PTPN22: variants seen among roughly 807,000 people sequenced by gnomAD.
PTPN22 encodes the protein protein tyrosine phosphatase non-receptor type 22.
Under a neutral mutation model 103.3 loss-of-function variants are expected in PTPN22, and 85 were observed. The ratio of observed to expected loss-of-function variants is 0.82; its 90% CI spans 0.69 to 0.99. The LOEUF (loss-of-function observed/expected upper bound fraction) is 0.99, where lower values mean the gene tolerates loss of function less well. PTPN22 is among the 50% of genes least tolerant of loss of function. PTPN22 has a pLI of 0.00. For synonymous variants in PTPN22, 323 were observed against 310.2 expected, an observed-to-expected ratio of 1.04 and a Z score of -0.43; for missense variants, 865 against 936.9, an observed-to-expected ratio of 0.92 and a Z score of 1.00.
chr1:113,833,025 T>C, intron 16 of PTPN22, 86 bp downstream of exon 16: 1 of 1,316,704 alleles, frequency 7.6e-7, no homozygotes, highest in East Asian at 2.4e-5. Flanking sequence ...ACCAAGTAAC[T>C]TCCTGAAGTG....
At chr1:113,862,258 G>A (rs1665678980) in intron 1 of PTPN22, among the ~76,000 whole-genome samples, 2 of 152,082 alleles carry the variant, frequency 1.3e-5, no homozygotes, top group Non-Finnish European at 2.9e-5. Flanking sequence ...ACTCCAGCCT[G>A]GGTGACAGTG....
intron 20 of PTPN22, among the ~76,000 whole-genome samples, chr1:113,818,263 C>G (rs1661320596): frequency 6.6e-6 from 1 of 151,924 alleles, no homozygotes; most frequent in Non-Finnish European, 1.5e-5. Flanking sequence ...CTCCCTGGTT[C>G]AAGCGATTCT....
chr1:113,871,055 CA>C (rs1047807767), intron 1 of PTPN22, among the ~76,000 whole-genome samples: 5 of 151,672 alleles, frequency 3.3e-5, no homozygotes, highest in Admixed American at 6.6e-5. Context: ...ACAACAACAA[CA>C]AAAAAAACTG....
chr1:113,853,645 G>A lies in PTPN22; in HGVS notation c.750+826C>T, dbSNP rs200228604. 1.5e-4 allele frequency among the ~76,000 whole-genome samples: 22 copies of A among 151,016 alleles called. No homozygotes were observed. In the East Asian group the frequency reaches 2.7e-3, roughly 19 times the overall value. ...GATTACCGTGTGAGCCACCATGCCC[G>A]GCCAAAAATTTCTTTCTTTTCCTTT... On this transcript the variant is annotated intron_variant, in intron 9 of 20. Transcript: ENST00000359785.
At chr1:113,838,451 A>T (rs74163653) in intron 12 of PTPN22, 44 bp from the exon 13 acceptor site, 46 of 1,585,182 alleles carry the variant, frequency 2.9e-5, no homozygotes, top group Non-Finnish European at 3.8e-5. Flanking sequence ...TACCCCAAAC[A>T]GGCCGCTTCC....
Position 113,868,498 on chromosome 1 carries a change from ACTCC to A in PTPN22, c.87+3035_87+3038del, listed in dbSNP as rs149110056. 5.0e-3 allele frequency among the ~76,000 whole-genome samples: 761 copies of A among 151,902 alleles called. 4 individuals are homozygous for A. Among genetic ancestry groups the A allele is most frequent in the African/African-American group, 0.018 (736 of 41,406 alleles). ...AGCAAGCAGTCTAGCCTCATTCACT[ACTCC>A]TCTACTCCCCCAAAGCTCTCTATCT... On this transcript the variant is annotated intron_variant, in intron 1 of 20. Transcript: ENST00000359785.
At chr1:113,819,628 T>C (rs2101872552) in exon 20 of PTPN22, 3 of 1,603,328 alleles carry the variant, frequency 1.9e-6, no homozygotes, top group Non-Finnish European at 2.6e-6. Context: ...TCTGCAGGCT[T>C]GTTTGGTGGG....
In PTPN22 at chr1:113,837,884, TAG is replaced by T; in HGVS notation, c.1514_1515del (p.Ser505Ter). 6.2e-7 allele frequency: 1 copy of T among 1,614,144 alleles called. No individual in the cohort carries two copies. The highest frequency in any genetic ancestry group is 8.5e-7 in the Non-Finnish European group (1 of 1,180,014). ...TTAGAGGCATTACGTATTTGGTGTT[TAG>T]AGTCATATGGCAGTGAATAATTCAG... is the stretch of plus-strand genomic sequence containing the variant. On this transcript the variant is annotated frameshift_variant, in exon 13 of 21. Coordinates refer to ENST00000359785, the Ensembl canonical transcript of PTPN22. LOFTEE classifies it high-confidence loss of function.
chr1:113,831,661 C>G (rs1434574072), intron 16 of PTPN22, among the ~76,000 whole-genome samples: 1 of 152,066 alleles, frequency 6.6e-6, no homozygotes, highest in Non-Finnish European at 1.5e-5. Flanking sequence ...GCTGGAATTC[C>G]CTCCTTTTTT....
chr1:113,854,102 G>A (rs565723517), intron 9 of PTPN22, among the ~76,000 whole-genome samples: 4 of 152,012 alleles, frequency 2.6e-5, no homozygotes, highest in East Asian at 1.9e-4. Context: ...TCCTGACCTC[G>A]TGATCCACCT....
rs137885568 is a variant in PTPN22 at position 113,822,720 on chromosome 1, G to A, written c.2281+2422C>T. Among the ~76,000 whole-genome samples, 345 of 152,306 alleles carry A rather than the reference G, an allele frequency of 2.3e-3. 4 individuals carry two copies. Among genetic ancestry groups the A allele is most frequent in the African/African-American group, 7.9e-3 (330 of 41,558 alleles). On this transcript the variant is annotated intron_variant, in intron 19 of 20. Transcript: ENST00000359785. The stretch of plus-strand genomic sequence containing the variant: ...CTCACAGCTGTAATCCCAGCACTTT[G>A]GGAGGCCGAGGTGGGTGGATCATAA...
chr1:113,814,668 G>A, exon 21 of PTPN22: 1 of 485,092 alleles, frequency 2.1e-6, no homozygotes, highest in South Asian at 2.7e-5. Flanking sequence ...ATAGCATTCT[G>A]TACATAAGCT....
intron 20 of PTPN22, chr1:113,819,223 A>T (rs1204414658): frequency 6.4e-6 from 1 of 155,526 alleles, no homozygotes; most frequent in East Asian, 1.9e-4. Flanking sequence ...AATAGTGGCA[A>T]CTGCTGTTCT....
At chr1:113,850,486 T>C (rs952502308) in intron 10 of PTPN22, among the ~76,000 whole-genome samples, 5 of 152,232 alleles carry the variant, frequency 3.3e-5, no homozygotes, top group African/African-American at 1.2e-4. Flanking sequence ...TATAGTTTTA[T>C]TAAATTAGTA....
chr1:113,866,630 G>T (rs1396440856), intron 1 of PTPN22, among the ~76,000 whole-genome samples: 1 of 151,894 alleles, frequency 6.6e-6, no homozygotes, highest in African/African-American at 2.4e-5. Flanking sequence ...TGATAATTTT[G>T]GTATAATGGT....
chr1:113,864,792 G>A (rs1354110334), intron 1 of PTPN22, among the ~76,000 whole-genome samples: 1 of 151,916 alleles, frequency 6.6e-6, no homozygotes, highest in Non-Finnish European at 1.5e-5. Flanking sequence ...CACACCTGTA[G>A]TCCCAGCTAT....
At chr1:113,852,267 C>T (rs1004571030) in intron 9 of PTPN22, among the ~76,000 whole-genome samples, 163 bp from the exon 10 acceptor site, 1 of 152,168 alleles carries the variant, frequency 6.6e-6, no homozygotes, top group African/African-American at 2.4e-5. Context: ...TCACTTGCAA[C>T]ATGATTTAGA....
intron 15 of PTPN22, among the ~76,000 whole-genome samples, chr1:113,834,025 A>G (rs2101943912): frequency 6.6e-6 from 1 of 152,364 alleles, no homozygotes; most frequent in Non-Finnish European, 1.5e-5. Context: ...CCTACACTTG[A>G]AATTCTTTAT....
At chr1:113,858,875 G>C in intron 3 of PTPN22, 127 bp downstream of exon 3, 1 of 1,435,746 alleles carries the variant, frequency 7.0e-7, no homozygotes, top group Non-Finnish European at 9.2e-7. Flanking sequence ...TTGCGTTCAA[G>C]TGATCTTTCC....
Sources: gnomAD v4.1 joint callset for allele counts (sites outside exome capture counted in the v4.1 genomes callset) on GRCh38, gnomAD v4.1.1 for gene constraint, MANE v1.5 for transcripts, NCBI Gene and HGNC (gene_info 2026-07-23, HGNC 2026-07-21) for gene names.